Variants in OTUD4 observed in about 807,000 individuals in gnomAD.
The protein encoded by OTUD4 is OTU domain-containing protein 4.
In OTUD4, 24 loss-of-function variants were observed where a neutral mutation model predicts 130.4. That is an observed-to-expected ratio of 0.18 (90% CI 0.13 to 0.26). The LOEUF is 0.26. Among genes scored for constraint, OTUD4 ranks in the 10% least tolerant of loss-of-function variants. The pLI is 1.00. For synonymous variants in OTUD4, 420 were observed against 472.5 expected, an observed-to-expected ratio of 0.89 and a Z score of 1.44; for missense variants, 1,031 against 1,329.4, an observed-to-expected ratio of 0.78 and a Z score of 3.49.
intron 6 of OTUD4, among the ~76,000 whole-genome samples, chr4:145,160,064 G>C (rs1751482998): frequency 6.6e-6 from 1 of 152,102 alleles, no homozygotes; most frequent in Non-Finnish European, 1.5e-5. Flanking sequence ...TGAGACTTAG[G>C]GATGTCATAC....
intron 1 of OTUD4, chr4:145,179,559 A>G: frequency 7.8e-7 from 1 of 1,278,056 alleles, no homozygotes; most frequent in South Asian, 1.8e-5. Context: ...AGGCCTCACA[A>G]GTTGTCCTCA....
Position 145,164,240 on chromosome 4 carries a change from T to A in OTUD4, c.342-14A>T, listed in dbSNP as rs1218211350. The stretch of plus-strand genomic sequence containing the variant: ...ATAAAATCTTTCCTGAAAATAACAA[T>A]TAGAAATTATTTATAATGGACTATA... On this transcript the variant is annotated splice_polypyrimidine_tract_variant and intron_variant, in intron 4 of 20. Coordinates refer to ENST00000447906, the MANE Select transcript of OTUD4 (RefSeq NM_001366057.1). 2.7e-6 allele frequency: 3 copies of A among 1,131,712 alleles called. No homozygotes were observed. The African/African-American group carries it at 4.7e-5, about 18-fold the overall frequency. The allele number at this position is 1,131,712 out of a possible 1,614,324, so 70.1% of individuals were successfully genotyped here.
rs779030482 is a variant in OTUD4 at position 145,146,238 on chromosome 4, T to C, written c.1422+29A>G. Reference sequence around the variant, plus strand: ...TATATTAAGAGAAACTTCTGTATAATGACTTTTAAACTGTCTTTTCATACA... The same window carrying C: ...TATATTAAGAGAAACTTCTGTATAACGACTTTTAAACTGTCTTTTCATACA... On this transcript the variant is annotated intron_variant, in intron 14 of 20. Coordinates refer to ENST00000447906, the MANE Select transcript of OTUD4 (RefSeq NM_001366057.1). 34 of 1,420,736 alleles carry C rather than the reference T, an allele frequency of 2.4e-5. No individual in the cohort carries two copies. In the Admixed American group the frequency reaches 2.9e-4, roughly 12 times the overall value. 88.0% of individuals were successfully genotyped at this position (1,420,736 alleles called of 1,614,324 possible).
chr4:145,163,239 T>C (rs1035075263), intron 5 of OTUD4, among the ~76,000 whole-genome samples: 1 of 152,202 alleles, frequency 6.6e-6, no homozygotes, highest in African/African-American at 2.4e-5. Flanking sequence ...AAAACCCTTA[T>C]AACAGTAGTA....
intron 1 of OTUD4, among the ~76,000 whole-genome samples, chr4:145,177,478 A>C (rs1304851255): frequency 6.6e-6 from 1 of 152,258 alleles, no homozygotes; most frequent in Non-Finnish European, 1.5e-5. Flanking sequence ...ATTATTGTGC[A>C]AGGTTGATAA....
chr4:145,158,999 G>A, intron 7 of OTUD4: 1 of 211,878 alleles, frequency 4.7e-6, no homozygotes, highest in Non-Finnish European at 8.2e-6. Flanking sequence ...CTAAGCCTCA[G>A]AGATTCTACG....
At chr4:145,141,843 C>T (rs1191698874) in intron 18 of OTUD4, among the ~76,000 whole-genome samples, 2 of 152,096 alleles carry the variant, frequency 1.3e-5, no homozygotes, top group Non-Finnish European at 2.9e-5. Flanking sequence ...CTAATAGTAG[C>T]TCTTGCAGGC....
chr4:145,154,772 G>T (rs1302033371), intron 10 of OTUD4, among the ~76,000 whole-genome samples: 1 of 150,124 alleles, frequency 6.7e-6, no homozygotes, highest in East Asian at 2.0e-4. Context: ...CCCACTAGAT[G>T]TCAGTAGCAC....
At chr4:145,171,348 C>A in intron 3 of OTUD4, 1 of 193,830 alleles carries the variant, frequency 5.2e-6, no homozygotes, top group Non-Finnish European at 1.0e-5. Flanking sequence ...AATCAAACTT[C>A]ACCCTGTCCA....
At position 145,134,981 on chromosome 4, in the gene OTUD4, G is replaced by T. The variant is rs1579233330; in HGVS notation, c.*2449C>A. 2 of 382,708 alleles carry T rather than the reference G, an allele frequency of 5.2e-6. No individual in the cohort carries two copies. The highest frequency in any genetic ancestry group is 7.4e-5 in the East Asian group (2 of 26,988). 23.7% of individuals were successfully genotyped at this position (382,708 alleles called of 1,614,324 possible). A position where few individuals can be genotyped will look rare whatever the true frequency, so the allele number is the denominator to read the frequency against. ...TATAAAGAAATATGTCAACATAACA[G>T]TATGACATAACAGTTAAAATGAAGG... On this transcript the variant is annotated 3_prime_UTR_variant, in exon 21 of 21. Coordinates refer to ENST00000447906, the MANE Select transcript of OTUD4 (RefSeq NM_001366057.1).
rs1233377316 is a variant in OTUD4, at chr4:145,135,712, C to T, written c.*1718G>A. 6.6e-6 allele frequency: 1 copy of T among 152,626 alleles called. No individual in the cohort carries two copies. The highest frequency in any genetic ancestry group is 1.9e-4 in the East Asian group (1 of 5,194). The allele number at this position is 152,626 out of a possible 1,614,324, so 9.5% of individuals were successfully genotyped here. A position where few individuals can be genotyped will look rare whatever the true frequency, so the allele number is the denominator to read the frequency against. ...TTTACAATTTTTTACCTAGCACCAT[C>T]ATAATAAAATGTTATCTTTCAAAGT... On this transcript the variant is annotated 3_prime_UTR_variant, in exon 21 of 21. Transcript: ENST00000447906.
intron 2 of OTUD4, 140 bp from the exon 3 acceptor site, chr4:145,171,860 A>G (rs188284882): frequency 1.6e-6 from 1 of 624,610 alleles, no homozygotes. Flanking sequence ...AAAAATATGT[A>G]CATAATCTAA....
chr4:145,157,115 G>A (rs990764224), intron 7 of OTUD4, among the ~76,000 whole-genome samples: 2 of 152,082 alleles, frequency 1.3e-5, no homozygotes, highest in East Asian at 1.9e-4. Context: ...CAAAAACTCC[G>A]CCTACATGAA....
chr4:145,165,123 C>A lies in OTUD4; in HGVS notation c.341+28G>T, dbSNP rs537516342. ...TATAATTTCCCACTGGTTTCATTTTCTTTTACTTATGTTATTACAGTGTTT... is the reference window on the plus strand; with the variant it reads ...TATAATTTCCCACTGGTTTCATTTTATTTTACTTATGTTATTACAGTGTTT... On this transcript the variant is annotated intron_variant, in intron 4 of 20. Coordinates refer to ENST00000447906, the MANE Select transcript of OTUD4 (RefSeq NM_001366057.1). 77 of 1,355,858 alleles carry A rather than the reference C, an allele frequency of 5.7e-5. 1 individual carries two copies. The South Asian group carries it at 9.8e-4, about 17-fold the overall frequency. The allele number at this position is 1,355,858 out of a possible 1,614,324, so 84.0% of individuals were successfully genotyped here.
intron 10 of OTUD4, among the ~76,000 whole-genome samples, chr4:145,154,839 GT>G (rs1306834682): frequency 6.6e-6 from 1 of 151,276 alleles, no homozygotes; most frequent in Non-Finnish European, 1.5e-5. Flanking sequence ...TTCAATGGTG[GT>G]GGTGGGGGGC....
chr4:145,174,712 G>A lies in OTUD4; in HGVS notation c.192C>T (p.Val64=). ...VLHSQSRHVE[V]RMACIHYLRE... is the part of the protein sequence containing the mutation. Reference sequence around the variant, plus strand: ...GAAGATAGTGAATACAGGCCATTCTGACTTCAACATGGCGAGACTGAGAGT... The same window carrying A: ...GAAGATAGTGAATACAGGCCATTCTAACTTCAACATGGCGAGACTGAGAGT... The change falls in exon 2 of 21, where the codon GTC becomes GTT. Residue 64 remains valine, a synonymous_variant. Transcript: ENST00000447906. 2 of 1,609,688 alleles carry A rather than the reference G, an allele frequency of 1.2e-6. No homozygotes were observed. The highest frequency in any genetic ancestry group is 1.7e-6 in the Non-Finnish European group (2 of 1,176,074).
At chr4:145,176,600 G>A (rs1247768094) in intron 1 of OTUD4, among the ~76,000 whole-genome samples, 1 of 152,068 alleles carries the variant, frequency 6.6e-6, no homozygotes, top group Non-Finnish European at 1.5e-5. Flanking sequence ...CTGGGAGGCT[G>A]AGGCAGGAGA....
Position 145,174,759 on chromosome 4 carries a change from CAACA to C in OTUD4, c.160-19_160-16del, listed in dbSNP as rs765147184. On this transcript the variant is annotated splice_polypyrimidine_tract_variant and intron_variant, in intron 1 of 20. Transcript: ENST00000447906. ...GAGTGCAATACCTAAAAAGAAAAGGCAACAAACACACTATTAAGCATTTAGTTAA... is the reference window on the plus strand; with the variant it reads ...GAGTGCAATACCTAAAAAGAAAAGGCAACACACTATTAAGCATTTAGTTAA... The C allele has an allele frequency of 5.4e-6, 8 of 1,473,838 alleles. No individual in the cohort carries two copies. The highest frequency in any genetic ancestry group is 6.7e-6 in the Non-Finnish European group (7 of 1,052,532). 91.3% of individuals were successfully genotyped at this position (1,473,838 alleles called of 1,614,324 possible).
chr4:145,174,543 G>T, intron 2 of OTUD4, 118 bp downstream of exon 2: 8 of 604,264 alleles, frequency 1.3e-5, no homozygotes, highest in African/African-American at 3.7e-5. Flanking sequence ...TTTTTAATAA[G>T]TGTTATTTTC....
Sources: gnomAD v4.1 joint callset for allele counts (sites outside exome capture counted in the v4.1 genomes callset) on GRCh38, gnomAD v4.1.1 for gene constraint, MANE v1.5 for transcripts, NCBI Gene and HGNC (gene_info 2026-07-23, HGNC 2026-07-21) for gene names.